Variants in FTO observed in about 807,000 individuals in gnomAD.
FTO encodes alpha-ketoglutarate-dependent dioxygenase FTO.
A neutral mutation model predicts 63.9 loss-of-function variants in FTO; 47 were observed. The observed-to-expected ratio is 0.74, with a 90% CI of 0.58 to 0.94. FTO has a LOEUF of 0.94. Among genes scored for constraint, FTO ranks in the 40% least tolerant of loss-of-function variants. The probability of loss-of-function intolerance (pLI) is 0.00; values close to 1 mark genes in which losing one functional copy is unlikely to be tolerated. For synonymous variants in FTO, 207 were observed against 224.4 expected, an observed-to-expected ratio of 0.92 and a Z score of 0.69; for missense variants, 562 against 618.1, an observed-to-expected ratio of 0.91 and a Z score of 0.96.
chr16:53,922,626 C>T (rs535679316), intron 7 of FTO, among the ~76,000 whole-genome samples: 19 of 152,286 alleles, frequency 1.2e-4, no homozygotes, highest in African/African-American at 4.3e-4. Flanking sequence ...TGTGGTAACG[C>T]ATACATATTC....
intron 4 of FTO, among the ~76,000 whole-genome samples, chr16:53,850,353 G>C (rs182817169): frequency 6.6e-6 from 1 of 150,848 alleles, no homozygotes; most frequent in Admixed American, 6.6e-5. Flanking sequence ...TTTTTTTCCA[G>C]GGATGAGGAT....
At chr16:53,725,054 A>G (rs958670413) in intron 1 of FTO, among the ~76,000 whole-genome samples, 1 of 152,142 alleles carries the variant, frequency 6.6e-6, no homozygotes, top group African/African-American at 2.4e-5. Context: ...AGTCATTTTA[A>G]CTTTTGTTCT....
intron 4 of FTO, among the ~76,000 whole-genome samples, chr16:53,864,061 C>G (rs2151859701): frequency 6.6e-6 from 1 of 152,312 alleles, no homozygotes; most frequent in South Asian, 2.1e-4. Context: ...CAGGAACCTT[C>G]CCCTCCCCCT....
intron 1 of FTO, among the ~76,000 whole-genome samples, chr16:53,748,833 A>G (rs1400048128): frequency 6.6e-6 from 1 of 151,846 alleles, no homozygotes; most frequent in Non-Finnish European, 1.5e-5. Flanking sequence ...GTGCGATTTC[A>G]GCTTACTGCA....
chr16:54,036,363 A>C (rs1433742729), intron 8 of FTO, among the ~76,000 whole-genome samples: 2 of 152,174 alleles, frequency 1.3e-5, no homozygotes, highest in African/African-American at 4.8e-5. Flanking sequence ...GATTGAGGGA[A>C]AACCACCAAA....
At chr16:53,905,087 T>C (rs914168452) in intron 7 of FTO, among the ~76,000 whole-genome samples, 3 of 151,962 alleles carry the variant, frequency 2.0e-5, no homozygotes, top group Non-Finnish European at 4.4e-5. Context: ...TTTGAGTGGG[T>C]GGACACTAAT....
At chr16:53,775,847 T>G (rs1393419308) in intron 1 of FTO, among the ~76,000 whole-genome samples, 1 of 152,184 alleles carries the variant, frequency 6.6e-6, no homozygotes, top group Non-Finnish European at 1.5e-5. Flanking sequence ...TCTCCTTTCT[T>G]CATACTTATA....
chr16:54,031,735 A>AAAAGC (rs80051079), intron 8 of FTO, among the ~76,000 whole-genome samples: 24,391 of 151,970 alleles, frequency 0.16, 3,165 homozygotes, highest in African/African-American at 0.36. Flanking sequence ...GCAATTATAG[A>AAAAGC]AAAGCAAAGC....
chr16:53,892,808 C>G (rs2081184744), intron 7 of FTO, among the ~76,000 whole-genome samples: 3 of 152,062 alleles, frequency 2.0e-5, no homozygotes, highest in African/African-American at 7.2e-5. Context: ...TCTTTGTGCT[C>G]TTTTTTCACT....
intron 2 of FTO, among the ~76,000 whole-genome samples, chr16:53,824,875 A>G (rs913875804): frequency 2.0e-4 from 30 of 152,252 alleles, no homozygotes; most frequent in Non-Finnish European, 2.9e-4. Flanking sequence ...TTACAGAATC[A>G]GGAAACTCCA....
intron 4 of FTO, among the ~76,000 whole-genome samples, chr16:53,869,141 T>C (rs1285242458): frequency 1.3e-5 from 2 of 152,126 alleles, no homozygotes; most frequent in African/African-American, 4.8e-5. Flanking sequence ...CTGTTTCTCC[T>C]TTACTTTTAA....
intron 1 of FTO, among the ~76,000 whole-genome samples, chr16:53,765,595 G>A (rs9937053): frequency 0.42 from 62,660 of 150,544 alleles, 13,303 homozygotes; most frequent in Non-Finnish European, 0.44. Context: ...ATTTAAGGTC[G>A]TAAATAAGGC....
At chr16:53,759,521 C>T (rs1198451790) in intron 1 of FTO, among the ~76,000 whole-genome samples, 2 of 151,680 alleles carry the variant, frequency 1.3e-5, no homozygotes, top group African/African-American at 4.8e-5. Flanking sequence ...TGGCAAAACC[C>T]CATCTCTATT....
At chr16:53,985,202 C>T (rs2083637888) in intron 8 of FTO, among the ~76,000 whole-genome samples, 1 of 152,150 alleles carries the variant, frequency 6.6e-6, no homozygotes, top group South Asian at 2.1e-4. Context: ...CATGACAAGC[C>T]TTCACTTGTC....
chr16:53,820,466 T>G (rs1598744740), intron 2 of FTO, among the ~76,000 whole-genome samples: 1 of 151,634 alleles, frequency 6.6e-6, no homozygotes, highest in East Asian at 2.0e-4. Context: ...GGGTGGAGAT[T>G]CAGGAAAGGT....
At chr16:53,841,061 A>G (rs2151812213) in intron 3 of FTO, among the ~76,000 whole-genome samples, 1 of 148,184 alleles carries the variant, frequency 6.7e-6, no homozygotes, top group East Asian at 2.0e-4. Flanking sequence ...TATGAATAAG[A>G]AGTGCCTGTA....
At chr16:53,844,853 A>C (rs1294811700) in intron 4 of FTO, among the ~76,000 whole-genome samples, 1 of 152,162 alleles carries the variant, frequency 6.6e-6, no homozygotes, top group Non-Finnish European at 1.5e-5. Flanking sequence ...TAAATCATCC[A>C]AGTCAAATTA....
At chr16:53,766,222 G>A (rs952634128) in intron 1 of FTO, among the ~76,000 whole-genome samples, 88 of 152,248 alleles carry the variant, frequency 5.8e-4, no homozygotes, top group African/African-American at 2.0e-3. Context: ...GATTGGTTTT[G>A]TTTGCTTGTT....
Position 53,859,029 on chromosome 16 carries a change from C to T in FTO, c.895+14731C>T, listed in dbSNP as rs1299877203. Among the ~76,000 whole-genome samples, 9 of 152,300 alleles carry T rather than the reference C, an allele frequency of 5.9e-5. No homozygotes were observed. In the South Asian group the frequency reaches 1.7e-3, roughly 28 times the overall value. ...GCCAGGGCTACCTTTCTCCTTTATT[C>T]TTCCAAGTTGTAACTCTTCCCAGGA... is the stretch of plus-strand genomic sequence containing the variant. On this transcript the variant is annotated intron_variant, in intron 4 of 8. Coordinates refer to ENST00000471389, the MANE Select transcript of FTO (RefSeq NM_001080432.3).
Sources: gnomAD v4.1 joint callset for allele counts (sites outside exome capture counted in the v4.1 genomes callset) on GRCh38, gnomAD v4.1.1 for gene constraint, MANE v1.5 for transcripts, NCBI Gene and HGNC (gene_info 2026-07-23, HGNC 2026-07-21) for gene names.